Variants in DLGAP2 observed in about 807,000 individuals in gnomAD.
The protein encoded by DLGAP2 is DLG associated protein 2.
Under a neutral mutation model 100.3 loss-of-function variants are expected in DLGAP2, and 26 were observed. The ratio of observed to expected loss-of-function variants is 0.26; its 90% CI spans 0.19 to 0.36. The LOEUF (loss-of-function observed/expected upper bound fraction) is 0.36, where lower values mean the gene tolerates loss of function less well. Among genes scored for constraint, DLGAP2 ranks in the 10% least tolerant of loss-of-function variants. The pLI is 1.00. For synonymous variants in DLGAP2, 886 were observed against 630.1 expected, an observed-to-expected ratio of 1.41 and a Z score of -6.08; for missense variants, 1,858 against 1,453.2, an observed-to-expected ratio of 1.28 and a Z score of -4.53.
At chr8:740,468 G>A (rs1320608496) in intron 1 of DLGAP2, 1 of 152,150 alleles carries the variant, frequency 6.6e-6, no homozygotes, top group African/African-American at 2.4e-5. Context: ...TTTCTCCCCA[G>A]TGACATACAT....
chr8:897,721 A>C (rs1226352741), intron 1 of DLGAP2, among the ~76,000 whole-genome samples: 2 of 150,500 alleles, frequency 1.3e-5, no homozygotes, highest in Admixed American at 6.6e-5. Flanking sequence ...ACAGGGCTGC[A>C]TCCTGAGTTT....
chr8:1,193,511 G>C (rs73539297), intron 2 of DLGAP2, among the ~76,000 whole-genome samples: 1 of 152,046 alleles, frequency 6.6e-6, no homozygotes, highest in Admixed American at 6.5e-5. Flanking sequence ...AGCACCATGC[G>C]TTCAGGGCTC....
intron 3 of DLGAP2, among the ~76,000 whole-genome samples, chr8:1,437,287 A>C (rs1240216653): frequency 6.6e-6 from 1 of 151,896 alleles, no homozygotes; most frequent in Non-Finnish European, 1.5e-5. Context: ...CAGCCCAGGC[A>C]TGCAGGCGCG....
Position 1,277,474 on chromosome 8 carries a change from G to A in DLGAP2, c.106+18591G>A, listed in dbSNP as rs188181153. On this transcript the variant is annotated intron_variant, in intron 3 of 14. Coordinates refer to ENST00000637795, the MANE Select transcript of DLGAP2 (RefSeq NM_001346810.2). ...GTGATAGATGTGTGGGGTCAAATGG[G>A]AGTGGCCAATTTTACCAGGAGTCAG... Among the ~76,000 whole-genome samples, 20 of 152,210 alleles carry A rather than the reference G, an allele frequency of 1.3e-4. No homozygotes were observed. The East Asian group carries it at 2.9e-3, about 22-fold the overall frequency.
chr8:1,448,267 A>C (rs1236504806), intron 3 of DLGAP2, among the ~76,000 whole-genome samples: 2 of 152,078 alleles, frequency 1.3e-5, no homozygotes, highest in Non-Finnish European at 2.9e-5. Flanking sequence ...AATGTGTCCC[A>C]GAGATTCTGG....
chr8:772,140 A>T (rs917485345), intron 1 of DLGAP2, among the ~76,000 whole-genome samples: 1 of 152,052 alleles, frequency 6.6e-6, no homozygotes, highest in African/African-American at 2.4e-5. Context: ...GGCTGAAGCG[A>T]TTCTCCTGCC....
At chr8:1,540,526 A>C (rs1442343066) in intron 4 of DLGAP2, among the ~76,000 whole-genome samples, 1 of 152,188 alleles carries the variant, frequency 6.6e-6, no homozygotes, top group Non-Finnish European at 1.5e-5. Flanking sequence ...CTATGACCTC[A>C]TGAGAAAAGA....
chr8:1,360,473 G>GATCC (rs1801958477), intron 3 of DLGAP2, among the ~76,000 whole-genome samples: 1 of 151,460 alleles, frequency 6.6e-6, no homozygotes, highest in African/African-American at 2.4e-5. Flanking sequence ...AAATTGAAGG[G>GATCC]ACCCTGCCCC....
chr8:810,939 G>C (rs1298681861), intron 1 of DLGAP2, among the ~76,000 whole-genome samples: 1 of 152,204 alleles, frequency 6.6e-6, no homozygotes, highest in Non-Finnish European at 1.5e-5. Context: ...TTGGATGTTC[G>C]GGTATAATGC....
At chr8:1,351,082 A>G (rs1475489981) in intron 3 of DLGAP2, among the ~76,000 whole-genome samples, 23 of 11,040 alleles carry the variant, frequency 2.1e-3, no homozygotes, top group South Asian at 8.5e-3. Flanking sequence ...GTGTGGAAAC[A>G]CCGTGCGGGT....
At chr8:758,998 C>G (rs1044977596) in intron 1 of DLGAP2, among the ~76,000 whole-genome samples, 1 of 147,908 alleles carries the variant, frequency 6.8e-6, no homozygotes, top group South Asian at 2.1e-4. Flanking sequence ...TCAATACCCC[C>G]AACAGCCTTC....
chr8:1,682,102 A>G (rs1040790671), intron 12 of DLGAP2, among the ~76,000 whole-genome samples: 1 of 151,922 alleles, frequency 6.6e-6, no homozygotes, highest in Admixed American at 6.5e-5. Flanking sequence ...CCATCCTTTC[A>G]CCTGCTGTTT....
chr8:1,335,154 C>G (rs1801245992), intron 3 of DLGAP2, among the ~76,000 whole-genome samples: 1 of 152,190 alleles, frequency 6.6e-6, no homozygotes, highest in Non-Finnish European at 1.5e-5. Context: ...CAGATAATTT[C>G]TGGATTTCTT....
At chr8:963,771 T>C (rs1050451019) in intron 2 of DLGAP2, among the ~76,000 whole-genome samples, 5 of 152,192 alleles carry the variant, frequency 3.3e-5, no homozygotes. Context: ...ATGTCATTTA[T>C]GAACAGTAGG....
chr8:1,492,635 G>A (rs1799421962), intron 3 of DLGAP2, among the ~76,000 whole-genome samples: 1 of 152,208 alleles, frequency 6.6e-6, no homozygotes, highest in Admixed American at 6.5e-5. Context: ...CCCACGAAGA[G>A]GTGCCGTGGA....
At chr8:962,562 C>T (rs1799751386) in intron 2 of DLGAP2, among the ~76,000 whole-genome samples, 1 of 152,152 alleles carries the variant, frequency 6.6e-6, no homozygotes, top group African/African-American at 2.4e-5. Flanking sequence ...CCTGTGCTCC[C>T]AGAGACTCCT....
intron 2 of DLGAP2, among the ~76,000 whole-genome samples, chr8:1,056,759 T>TTCAGTTGTAAAATGG (rs1802894060): frequency 6.6e-6 from 1 of 152,270 alleles, no homozygotes; most frequent in Non-Finnish European, 1.5e-5. Flanking sequence ...TTCTTAATTT[T>TTCAGTTGTAAAATGG]GATCTCAGTT....
chr8:1,410,490 G>A (rs1299987710), intron 3 of DLGAP2, among the ~76,000 whole-genome samples: 1 of 152,204 alleles, frequency 6.6e-6, no homozygotes, highest in Non-Finnish European at 1.5e-5. Flanking sequence ...GTTTCATGGG[G>A]TCACTAGAGG....
chr8:1,382,391 G>A (rs923040267), intron 3 of DLGAP2, among the ~76,000 whole-genome samples: 1 of 152,214 alleles, frequency 6.6e-6, no homozygotes, highest in Non-Finnish European at 1.5e-5. Context: ...GACTCCAGCA[G>A]TTCCAACCAA....
Sources: allele counts gnomAD v4.1 joint callset (sites outside exome capture counted in the v4.1 genomes callset), GRCh38; gene constraint gnomAD v4.1.1; transcripts MANE v1.5; gene names NCBI Gene and HGNC (gene_info 2026-07-23, HGNC 2026-07-21).